Variants in TSPAN11 observed in about 807,000 individuals in gnomAD.
TSPAN11 encodes tetraspanin 11.
A neutral mutation model predicts 32.9 loss-of-function variants in TSPAN11; 29 were observed. That is an observed-to-expected ratio of 0.88 (90% CI 0.66 to 1.20). The LOEUF (loss-of-function observed/expected upper bound fraction) is 1.20, where lower values mean the gene tolerates loss of function less well. Ranked by LOEUF, TSPAN11 falls within the 50% of genes most tolerant of loss-of-function variation. The pLI is 0.00. For synonymous variants in TSPAN11, 140 were observed against 141.3 expected (o/e 0.99, Z 0.07); for missense variants, 283 against 329.1 (o/e 0.86, Z 1.08).
chr12:30,977,795 G>A lies in TSPAN11; in HGVS notation c.277-766G>A, dbSNP rs989348528. ...CTTCTACAGGTCACACTGAATGCAC[G>A]GCTGGGAAGCCAGCAGCAGCAACAG... is the stretch of plus-strand genomic sequence containing the variant. On this transcript the variant is annotated intron_variant, in intron 3 of 7. Transcript: ENST00000546076. Among the ~76,000 whole-genome samples, 5 of 152,176 alleles carry A rather than the reference G, an allele frequency of 3.3e-5. No homozygotes were observed. In the South Asian group the frequency reaches 1.0e-3, roughly 31 times the overall value.
At chr12:30,952,868 G>C (rs924758286) in intron 1 of TSPAN11, among the ~76,000 whole-genome samples, 3 of 152,156 alleles carry the variant, frequency 2.0e-5, no homozygotes, top group Non-Finnish European at 2.9e-5. Context: ...AATAAAAAGA[G>C]GTTCCCAAAA....
At chr12:30,951,911 A>G (rs960929238) in intron 1 of TSPAN11, among the ~76,000 whole-genome samples, 6 of 152,218 alleles carry the variant, frequency 3.9e-5, no homozygotes, top group African/African-American at 1.4e-4. Flanking sequence ...TATGCATCTT[A>G]AATATGTAAA....
chr12:30,963,166 A>G (rs150030966), intron 2 of TSPAN11, among the ~76,000 whole-genome samples: 3 of 152,244 alleles, frequency 2.0e-5, no homozygotes, highest in East Asian at 3.9e-4. Context: ...CCTGTCAAGA[A>G]CCCTGACTCT....
intron 3 of TSPAN11, among the ~76,000 whole-genome samples, chr12:30,972,473 G>A (rs1592487135): frequency 6.6e-6 from 1 of 152,092 alleles, no homozygotes; most frequent in Non-Finnish European, 1.5e-5. Flanking sequence ...TGGTGGCTGA[G>A]CAGCCAATAA....
Position 30,992,057 on chromosome 12 carries a change from G to T in TSPAN11, c.*142G>T. 1.1e-6 allele frequency: 1 copy of T among 879,916 alleles called. No homozygotes were observed. Among genetic ancestry groups the T allele is most frequent in the South Asian group, 1.5e-5 (1 of 66,652 alleles). The allele number at this position is 879,916 out of a possible 1,614,324, so 54.5% of individuals were successfully genotyped here. A position where few individuals can be genotyped will look rare whatever the true frequency, so the allele number is the denominator to read the frequency against. ...TGCCTAGCTCCTGCGAATCCACCGA[G>T]TGCCTGAGACCATAGCTTCTGTGCC... On this transcript the variant is annotated 3_prime_UTR_variant, in exon 8 of 8. Transcript: ENST00000546076.
chr12:30,944,177 A>G (rs1455988087), intron 1 of TSPAN11, among the ~76,000 whole-genome samples: 1 of 152,194 alleles, frequency 6.6e-6, no homozygotes, highest in Admixed American at 6.5e-5. Context: ...GCATATATAC[A>G]TTGTGGAATG....
At chr12:30,972,976 C>A (rs984702672) in intron 3 of TSPAN11, among the ~76,000 whole-genome samples, 1 of 152,070 alleles carries the variant, frequency 6.6e-6, no homozygotes, top group Non-Finnish European at 1.5e-5. Flanking sequence ...TTCCTCACCT[C>A]TCCTGACACT....
chr12:31,015,731 T>A, the TSPAN11 span: 1 of 152,200 alleles, frequency 6.6e-6, no homozygotes, highest in Middle Eastern at 3.2e-3. The surrounding 1 kb of genome is among the most constrained non-coding windows in gnomAD (Gnocchi z 4.9). Flanking sequence ...CCATCCTACC[T>A]GCGATCAACT....
intron 1 of TSPAN11, among the ~76,000 whole-genome samples, chr12:30,941,402 G>C (rs1193922148): frequency 6.6e-6 from 1 of 152,180 alleles, no homozygotes; most frequent in Non-Finnish European, 1.5e-5. Flanking sequence ...AAAATACACA[G>C]AGCCTTGGGC....
intron 2 of TSPAN11, among the ~76,000 whole-genome samples, chr12:30,962,996 G>A (rs1861920): frequency 6.6e-6 from 1 of 152,164 alleles, no homozygotes; most frequent in East Asian, 1.9e-4. Context: ...CAGCCAAGCC[G>A]AGCCATCCCT....
At chr12:30,949,830 C>T (rs1938346397) in intron 1 of TSPAN11, among the ~76,000 whole-genome samples, 1 of 152,176 alleles carries the variant, frequency 6.6e-6, no homozygotes, top group African/African-American at 2.4e-5. Context: ...TGCTAGTCCT[C>T]ATTTGACTGA....
chr12:30,991,968 G>T lies in TSPAN11; in HGVS notation c.*53G>T. 6.2e-7 allele frequency: 1 copy of T among 1,602,968 alleles called. No homozygotes were observed. Among genetic ancestry groups the T allele is most frequent in the South Asian group, 1.1e-5 (1 of 90,826 alleles). ...CCCTCAAGACAACATGTGGCCACAT[G>T]CCATCTGCAAGGCCTGCAGAGTTAG... is the stretch of plus-strand genomic sequence containing the variant. On this transcript the variant is annotated 3_prime_UTR_variant, in exon 8 of 8. Transcript: ENST00000546076.
At chr12:30,970,525 G>GT (rs1357134229) in intron 3 of TSPAN11, among the ~76,000 whole-genome samples, 37 of 152,070 alleles carry the variant, frequency 2.4e-4, no homozygotes, top group Non-Finnish European at 1.3e-4. Flanking sequence ...CCAAGACCCA[G>GT]TTTTTTTCCC....
the TSPAN11 span, among the ~76,000 whole-genome samples, chr12:31,014,631 T>C: frequency 6.6e-6 from 1 of 152,218 alleles, no homozygotes; most frequent in South Asian, 2.1e-4. Flanking sequence ...AATTTTAAGA[T>C]ACCTCATCAT....
At chr12:30,931,746 G>T (rs928629345) in intron 1 of TSPAN11, among the ~76,000 whole-genome samples, 1 of 151,852 alleles carries the variant, frequency 6.6e-6, no homozygotes, top group East Asian at 1.9e-4. Context: ...TGCGTGTGGT[G>T]GTAGGTGCCT....
chr12:30,944,960 G>A (rs1363278520), intron 1 of TSPAN11, among the ~76,000 whole-genome samples: 1 of 152,142 alleles, frequency 6.6e-6, no homozygotes, highest in Non-Finnish European at 1.5e-5. Context: ...GAGAAAGGGA[G>A]GAAAGTCACA....
chr12:30,957,228 A>ACCCCCCCCCCCCCCCC (rs56296744), intron 2 of TSPAN11, among the ~76,000 whole-genome samples: 3 of 107,472 alleles, frequency 2.8e-5, no homozygotes, highest in Non-Finnish European at 4.0e-5. Flanking sequence ...ATGGCCTGGG[A>ACCCCCCCCCCCCCCCC]CCCCCCCCCC....
intron 7 of TSPAN11, among the ~76,000 whole-genome samples, chr12:30,987,151 T>A (rs1460046713): frequency 6.6e-6 from 1 of 152,202 alleles, no homozygotes; most frequent in East Asian, 1.9e-4. Context: ...TCTGCCTGAG[T>A]TACATGATAG....
chr12:30,939,446 A>G (rs1239436439), intron 1 of TSPAN11, among the ~76,000 whole-genome samples: 1 of 152,176 alleles, frequency 6.6e-6, no homozygotes, highest in Admixed American at 6.5e-5. Context: ...TAACTAGGAA[A>G]TCACAGTTTC....
Sources: allele counts gnomAD v4.1 joint callset (sites outside exome capture counted in the v4.1 genomes callset), GRCh38; gene constraint gnomAD v4.1.1; non-coding constraint Gnocchi (gnomAD v3.1); transcripts MANE v1.5; gene names NCBI Gene and HGNC (gene_info 2026-07-23, HGNC 2026-07-21).